BRCA2: variants seen among roughly 807,000 people sequenced by gnomAD.
BRCA2 encodes breast cancer type 2 susceptibility protein.
A neutral mutation model predicts 276.7 loss-of-function variants in BRCA2; 203 were observed. The ratio of observed to expected loss-of-function variants is 0.73; its 90% CI spans 0.65 to 0.82. The LOEUF is 0.82. BRCA2 is among the 40% of genes least tolerant of loss of function. The pLI, the probability that BRCA2 is intolerant of heterozygous loss-of-function variation, is 0.00. For synonymous variants in BRCA2, 1,289 were observed against 1,338.4 expected (o/e 0.96, Z 0.81); for missense variants, 3,920 against 3,915.0 (o/e 1.00, Z -0.03).
At position 32,316,474 on chromosome 13, in the gene BRCA2, C is replaced by T. The variant is rs2138698078; in HGVS notation, c.14C>T (p.Ser5Phe). 6.2e-7 allele frequency: 1 copy of T among 1,613,896 alleles called. No homozygotes were observed. The highest frequency in any genetic ancestry group is 8.5e-7 in the Non-Finnish European group (1 of 1,179,890). MPIG[S>F]KERPTFFEIF... ...TCGTAGGTAAAAATGCCTATTGGATCCAAAGAGAGGCCAACATTTTTTGAA... is the reference window on the plus strand; with the variant it reads ...TCGTAGGTAAAAATGCCTATTGGATTCAAAGAGAGGCCAACATTTTTTGAA... Residue 5 changes from serine (S) to phenylalanine (F), a missense_variant, in exon 2 of 27, where the codon TCC becomes TTC. By Grantham distance (155) the Ser-to-Phe change is radical. Coordinates refer to ENST00000380152, the MANE Select transcript of BRCA2 (RefSeq NM_000059.4).
At chr13:32,358,304 C>T (rs990351327) in intron 16 of BRCA2, among the ~76,000 whole-genome samples, 17 of 151,272 alleles carry the variant, frequency 1.1e-4, no homozygotes, top group African/African-American at 4.1e-4. Context: ...GGCGAAACCC[C>T]ATCTCTACTA....
rs1060504601 is a variant in BRCA2 at position 32,362,553 on chromosome 13, A to C, written c.7836A>C (p.Pro2612=). The change falls in exon 17 of 27, where the codon CCA becomes CCC. Residue 2612 remains proline (P), a synonymous_variant. Coordinates refer to ENST00000380152, the MANE Select transcript of BRCA2 (RefSeq NM_000059.4). ...RALCDTPGVD[P]KLISRIWVYN... ...TGTGTGACACTCCAGGTGTGGATCC[A>C]AAGCTTATTTCTAGAATTTGGGTTT... 5.0e-6 allele frequency: 8 copies of C among 1,613,782 alleles called. No homozygotes were observed. Among genetic ancestry groups the C allele is most frequent in the Non-Finnish European group, 6.8e-6 (8 of 1,179,872 alleles).
At chr13:32,383,217 G>C (rs1213541820) in intron 24 of BRCA2, among the ~76,000 whole-genome samples, 1 of 148,638 alleles carries the variant, frequency 6.7e-6, no homozygotes, top group Admixed American at 6.7e-5. Flanking sequence ...AAAATTAGCC[G>C]GGTGTGGTGG....
In BRCA2 at chr13:32,336,728, A is replaced by G. The variant is rs1593896773; in HGVS notation, c.2373A>G (p.Ser791=). 1.2e-6 allele frequency: 2 copies of G among 1,614,040 alleles called. No homozygotes were observed. Among genetic ancestry groups the G allele is most frequent in the South Asian group, 1.1e-5 (1 of 91,066 alleles). Residue 791 remains serine, a synonymous_variant, in exon 11 of 27, where the codon TCA becomes TCG. Transcript: ENST00000380152. ...TCATGATTTCTAGAGGCAAAGAATCATACAAAATGTCAGACAAGCTCAAAG... is the reference window on the plus strand; with the variant it reads ...TCATGATTTCTAGAGGCAAAGAATCGTACAAAATGTCAGACAAGCTCAAAG... ...NLVMISRGKE[S]YKMSDKLKGN...
At chr13:32,373,079 G>A (rs1484487200) in intron 20 of BRCA2, among the ~76,000 whole-genome samples, 13 of 150,900 alleles carry the variant, frequency 8.6e-5, no homozygotes, top group Middle Eastern at 3.4e-3. Context: ...TGCAACCTCC[G>A]CCTCCTGTTT....
At chr13:32,348,960 C>CA (rs1409697319) in intron 13 of BRCA2, among the ~76,000 whole-genome samples, 1 of 152,094 alleles carries the variant, frequency 6.6e-6, no homozygotes, top group Non-Finnish European at 1.5e-5. Flanking sequence ...CAGTGGCTTA[C>CA]ACCTGTAATC....
In BRCA2 at chr13:32,337,775, T is replaced by A. The variant is rs118093942; in HGVS notation, c.3420T>A (p.Ser1140Arg). The A allele has an allele frequency of 1.9e-6, 3 of 1,613,976 alleles. No homozygotes were observed. In the East Asian group the frequency reaches 6.7e-5, roughly 36 times the overall value. The change falls in exon 11 of 27, where the codon AGT becomes AGA. Residue 1140 changes from serine (S) to arginine (R), a missense_variant. Ser to Arg is a moderately radical substitution (Grantham distance 110). Coordinates refer to ENST00000380152, the MANE Select transcript of BRCA2 (RefSeq NM_000059.4). Reference protein sequence around the residue: ...FRKPSYILQKSTFEVPENQMT... With the variant: ...FRKPSYILQKRTFEVPENQMT... ...AACCAAGCTACATATTGCAGAAGAG[T>A]ACATTTGAAGTGCCTGAAAACCAGA...
rs876658661 is a variant in BRCA2 at position 32,398,296 on chromosome 13, C to T, written c.9783C>T (p.Asp3261=). Residue 3261 remains aspartate, a synonymous_variant, in exon 27 of 27, where the codon GAC becomes GAT. Transcript: ENST00000380152. ...GTAAAGGGGAGAAAGAGATTGATGA[C>T]CAAAAGAACTGCAAAAAGAGAAGAG... is the stretch of plus-strand genomic sequence containing the variant. ...KSCKGEKEID[D]QKNCKKRRAL... 3 of 1,614,144 alleles carry T rather than the reference C, an allele frequency of 1.9e-6. No homozygotes were observed. The highest frequency in any genetic ancestry group is 2.5e-6 in the Non-Finnish European group (3 of 1,180,022).
Position 32,338,127 on chromosome 13 carries a change from A to G in BRCA2, c.3772A>G (p.Ile1258Val), listed in dbSNP as rs587782720. ...SEETSAEVHP[I>V]SLSSSKCHDS... ...GGAAACTTCTGCAGAGGTACATCCA[A>G]TAAGTTTATCTTCAAGTAAATGTCA... is the stretch of plus-strand genomic sequence containing the variant. The change falls in exon 11 of 27, where the codon ATA becomes GTA. Residue 1258 changes from isoleucine to valine, a missense_variant. Ile to Val is a conservative substitution (Grantham distance 29, BLOSUM62 3). Transcript: ENST00000380152. The G allele has an allele frequency of 5.0e-6, 8 of 1,607,208 alleles. No individual in the cohort carries two copies. Among genetic ancestry groups the G allele is most frequent in the African/African-American group, 2.7e-5 (2 of 74,790 alleles).
In BRCA2 at chr13:32,381,550, G is replaced by A. The variant is rs1383017793; in HGVS notation, c.9256+1405G>A. Among the ~76,000 whole-genome samples the A allele has an allele frequency of 2.6e-5, 4 of 152,132 alleles. No individual in the cohort carries two copies. The East Asian group carries it at 5.8e-4, about 22-fold the overall frequency. ...CAATTACAAAGGCCGCAGTACAGCA[G>A]GATCATGCCTAGTGTGCCGTGAAGC... On this transcript the variant is annotated intron_variant, in intron 24 of 26. Coordinates refer to ENST00000380152, the MANE Select transcript of BRCA2 (RefSeq NM_000059.4).
chr13:32,368,792 T>G (rs2072805884), intron 18 of BRCA2, among the ~76,000 whole-genome samples: 1 of 97,222 alleles, frequency 1.0e-5, no homozygotes, highest in South Asian at 3.9e-4. Flanking sequence ...TGTTTTTTGT[T>G]TTTTTGTTTT....
At position 32,354,949 on chromosome 13, in the gene BRCA2, C is replaced by G. The variant is rs80358941; in HGVS notation, c.7096C>G (p.Leu2366Val). The stretch of plus-strand genomic sequence containing the variant: ...GTCTAAATCTCATTTGTATGAACAT[C>G]TGACTTTGGAAAAATCTTCAAGCAA... Reference protein sequence around the residue: ...FLSKSHLYEHLTLEKSSSNLA... With the variant: ...FLSKSHLYEHVTLEKSSSNLA... The change falls in exon 14 of 27, where the codon CTG (leucine) becomes GTG (valine). Residue 2366 changes from leucine (L) to valine (V), a missense_variant. By Grantham distance (32) the Leu-to-Val change is conservative. Around this residue, in one of 2 missense-constraint regions of BRCA2, gnomAD observed 3,263 missense variants for 3,156.9 expected, o/e 1.03. Transcript: ENST00000380152. The G allele has an allele frequency of 1.9e-5, 30 of 1,613,750 alleles. No homozygotes were observed. Among genetic ancestry groups the G allele is most frequent in the East Asian group, 2.2e-5 (1 of 44,854 alleles).
chr13:32,332,732 A>G lies in BRCA2; in HGVS notation c.1254A>G (p.Ser418=), dbSNP rs1052409595. 2 of 1,611,574 alleles carry G rather than the reference A, an allele frequency of 1.2e-6. No individual in the cohort carries two copies. The highest frequency in any genetic ancestry group is 1.7e-6 in the Non-Finnish European group (2 of 1,179,346). ...MEKIPLLHIS[S]CDQNISEKDL... ...AAATACCCCTATTGCATATTTCTTC[A>G]TGTGACCAAAATATTTCAGAAAAAG... The change falls in exon 10 of 27, where the codon TCA becomes TCG. Residue 418 remains serine (S), a synonymous_variant. Coordinates refer to ENST00000380152, the MANE Select transcript of BRCA2 (RefSeq NM_000059.4).
chr13:32,343,640 T>C (rs1471165156), intron 11 of BRCA2, among the ~76,000 whole-genome samples: 1 of 152,116 alleles, frequency 6.6e-6, no homozygotes, highest in Non-Finnish European at 1.5e-5. Flanking sequence ...TTGTGGAAAA[T>C]AATGGCTTTA....
intron 18 of BRCA2, 34 bp downstream of exon 18, chr13:32,363,567 C>A (rs1180681659): frequency 6.4e-7 from 1 of 1,562,290 alleles, no homozygotes; most frequent in South Asian, 1.1e-5. Context: ...AAAAATCAGT[C>A]ATTGATTCAG....
chr13:32,347,707 C>T (rs552519251), intron 13 of BRCA2, among the ~76,000 whole-genome samples: 218 of 152,282 alleles, frequency 1.4e-3, no homozygotes, highest in Non-Finnish European at 2.7e-3. Context: ...TTCCCAAATG[C>T]AGGCCCTCTA....
Position 32,370,552 on chromosome 13 carries a change from A to G in BRCA2, c.8482A>G (p.Ile2828Val), listed in dbSNP as rs80359098. The change falls in exon 19 of 27, where the codon ATA (isoleucine) becomes GTA (valine). Residue 2828 changes from isoleucine (I) to valine (V), a missense_variant. Physicochemically the swap from Ile to Val is conservative, Grantham distance 29 (BLOSUM62 3). Around this residue, in one of 2 missense-constraint regions of BRCA2, gnomAD observed 657 missense variants for 758.2 expected, o/e 0.87. Coordinates refer to ENST00000380152, the MANE Select transcript of BRCA2 (RefSeq NM_000059.4). ...TGTAATTATTCAAAGAGCATACCCT[A>G]TACAGGTATGATGTATTCTTGAAAC... Reference protein sequence around the residue: ...VDVIIQRAYPIQWMEKTSSGL... With the variant: ...VDVIIQRAYPVQWMEKTSSGL... 7 of 1,610,062 alleles carry G rather than the reference A, an allele frequency of 4.3e-6. No homozygotes were observed. Among genetic ancestry groups the G allele is most frequent in the Non-Finnish European group, 4.3e-6 (5 of 1,176,338 alleles).
At chr13:32,394,573 G>A in intron 24 of BRCA2, 116 bp from the exon 25 acceptor site, 7 of 1,292,878 alleles carry the variant, frequency 5.4e-6, no homozygotes, top group Middle Eastern at 2.7e-4. Flanking sequence ...ATTTTGATTT[G>A]CTTTTATTAT....
chr13:32,394,950 G>T lies in BRCA2; in HGVS notation c.9501+17G>T. 6.2e-7 allele frequency: 1 copy of T among 1,613,620 alleles called. No individual in the cohort carries two copies. Among genetic ancestry groups the T allele is most frequent in the Non-Finnish European group, 8.5e-7 (1 of 1,179,886 alleles). On this transcript the variant is annotated intron_variant, in intron 25 of 26. Coordinates refer to ENST00000380152, the MANE Select transcript of BRCA2 (RefSeq NM_000059.4). ...ACTGTTGAGGTAAGGTTACTTTTCA[G>T]CATCACCACACATTTTGGTATTTTT...
Sources: gnomAD v4.1 joint callset for allele counts (sites outside exome capture counted in the v4.1 genomes callset) on GRCh38, gnomAD v4.1.1 for gene constraint, gnomAD v4.1.1 regional missense constraint, MANE v1.5 for transcripts, NCBI Gene and HGNC (gene_info 2026-07-23, HGNC 2026-07-21) for gene names.